ANO1: variants seen among roughly 807,000 people sequenced by gnomAD.
ANO1 encodes the protein anoctamin 1.
In ANO1, 59 loss-of-function variants were observed where a neutral mutation model predicts 124.0. That is an observed-to-expected ratio of 0.48 (90% confidence interval 0.39 to 0.59). The LOEUF is 0.59. Among genes scored for constraint, ANO1 ranks in the 20% least tolerant of loss-of-function variants. ANO1 has a pLI of 0.00. For synonymous variants in ANO1, 529 were observed against 532.0 expected (o/e 0.99, Z 0.08); for missense variants, 1,059 against 1,328.0 (o/e 0.80, Z 3.15).
rs748243154 is a variant in ANO1, at chr11:70,167,377, C to T, written c.2187C>T (p.Tyr729=). The T allele has an allele frequency of 6.2e-7, 1 of 1,611,634 alleles. No homozygotes were observed. Among genetic ancestry groups the T allele is most frequent in the Non-Finnish European group, 8.5e-7 (1 of 1,178,742 alleles). ...LEPFAGLTPE[Y]MEMIIQFGFV... is the part of the protein sequence containing the mutation. ...CCTTCGCGGGCCTCACCCCAGAGTA[C>T]ATGGAAATGAGTGAGTGATGGCCGG... The change falls in exon 21 of 26, where the codon TAC becomes TAT. Residue 729 remains tyrosine, a synonymous_variant. Transcript: ENST00000355303.
chr11:70,111,004 C>T (rs987007408), intron 6 of ANO1: 5 of 397,102 alleles, frequency 1.3e-5, no homozygotes, highest in Non-Finnish European at 2.0e-5. Context: ...ATTCCACTGC[C>T]TCCAGGAGCA....
the ANO1 span, among the ~76,000 whole-genome samples, chr11:69,970,179 T>TG: frequency 3.3e-5 from 5 of 152,116 alleles, no homozygotes; most frequent in Non-Finnish European, 7.4e-5. Context: ...GAGGGAAGGC[T>TG]GGGGGAAGTT....
At chr11:69,996,881 G>A (rs1456274737) in intron 1 of ANO1, among the ~76,000 whole-genome samples, 1 of 152,214 alleles carries the variant, frequency 6.6e-6, no homozygotes, top group African/African-American at 2.4e-5. Flanking sequence ...AATGCCAGAT[G>A]AAGTTCTAAG....
chr11:70,059,150 C>A (rs1373060937), intron 1 of ANO1, among the ~76,000 whole-genome samples: 1 of 151,802 alleles, frequency 6.6e-6, no homozygotes, highest in Non-Finnish European at 1.5e-5. Context: ...CGAGATTGTG[C>A]CACTGCACTC....
intron 1 of ANO1, among the ~76,000 whole-genome samples, chr11:70,044,179 G>C (rs1857224085): frequency 6.6e-6 from 1 of 151,722 alleles, no homozygotes; most frequent in South Asian, 2.1e-4. Context: ...CTAAATAAAA[G>C]TAAAATAAAG....
chr11:70,184,212 A>G (rs2049026389), intron 24 of ANO1, among the ~76,000 whole-genome samples: 1 of 152,198 alleles, frequency 6.6e-6, no homozygotes, highest in Non-Finnish European at 1.5e-5. Context: ...CATTCAAGCT[A>G]TGTTCCAGCT....
chr11:69,984,343 C>A (rs1349008167), upstream of ANO1, among the ~76,000 whole-genome samples: 1 of 119,164 alleles, frequency 8.4e-6, no homozygotes, highest in African/African-American at 3.0e-5. Flanking sequence ...AGAATAAAAT[C>A]CCACTTGAGT....
At chr11:70,045,504 T>C (rs1857245928) in intron 1 of ANO1, among the ~76,000 whole-genome samples, 2 of 152,194 alleles carry the variant, frequency 1.3e-5, no homozygotes, top group African/African-American at 4.8e-5. Context: ...AATTCTATGA[T>C]TGGTGACATT....
rs1208463378 is a variant in ANO1, at chr11:70,005,116, A to AAAAC, written c.58+18953_58+18954insCAAA. 3.3e-5 allele frequency among the ~76,000 whole-genome samples: 5 copies of AAAAC among 151,838 alleles called. No individual in the cohort carries two copies. The East Asian group carries it at 9.7e-4, about 29-fold the overall frequency. ...TGACAGAGCGAGATTCCAACTCAAA[A>AAAAC]AAAAAAAAAAAATTGGTGACAGAAA... On this transcript the variant is annotated intron_variant, in intron 1 of 27. Transcript: ENST00000531349.
At chr11:70,122,867 A>G (rs2046349596) in intron 8 of ANO1, among the ~76,000 whole-genome samples, 1 of 152,156 alleles carries the variant, frequency 6.6e-6, no homozygotes, top group Admixed American at 6.6e-5. Flanking sequence ...GAGAGGAGGA[A>G]GCTGCCCAGG....
chr11:70,022,852 G>A (rs1856831987), intron 1 of ANO1, among the ~76,000 whole-genome samples: 1 of 152,190 alleles, frequency 6.6e-6, no homozygotes, highest in African/African-American at 2.4e-5. Flanking sequence ...CAGGGAGATA[G>A]CCCCAGACTA....
chr11:70,014,131 A>G lies in ANO1; in HGVS notation c.58+27965A>G, dbSNP rs553484893. ...CCTTAAAGGCCCTTTCTCCAAATACAGTTCCATTGCGGGTGAGAGTTTTAA... is the reference window on the plus strand; with the variant it reads ...CCTTAAAGGCCCTTTCTCCAAATACGGTTCCATTGCGGGTGAGAGTTTTAA... On this transcript the variant is annotated intron_variant, in intron 1 of 27. Coordinates refer to the ANO1 transcript ENST00000531349. 2.6e-5 allele frequency among the ~76,000 whole-genome samples: 4 copies of G among 152,152 alleles called. No homozygotes were observed. In the South Asian group the frequency reaches 8.3e-4, roughly 32 times the overall value.
intron 22 of ANO1, among the ~76,000 whole-genome samples, chr11:70,177,204 C>T (rs2048737051): frequency 6.6e-6 from 1 of 152,258 alleles, no homozygotes; most frequent in Non-Finnish European, 1.5e-5. Context: ...CCTCGGGAGC[C>T]CCAAAGACTT....
At chr11:70,062,975 G>C (rs576818770) in intron 1 of ANO1, among the ~76,000 whole-genome samples, 148 of 152,244 alleles carry the variant, frequency 9.7e-4, no homozygotes, top group Non-Finnish European at 1.9e-3. Context: ...TGTCACCCAG[G>C]CTGGAGTACA....
chr11:70,074,455 A>G (rs1369650783), upstream of ANO1, among the ~76,000 whole-genome samples: 2 of 152,150 alleles, frequency 1.3e-5, no homozygotes, highest in African/African-American at 4.8e-5. Flanking sequence ...TTGTGTGTTG[A>G]ATTCATGGAG....
chr11:70,002,202 G>A lies in ANO1; in HGVS notation c.58+16036G>A, dbSNP rs374355654. On this transcript the variant is annotated intron_variant, in intron 1 of 27. Transcript: ENST00000531349. Reference sequence around the variant, plus strand: ...GCAGTGGCTCACACCTATAATCCCAGCACTTTGGGAGACCAAGGCAGGTGG... The same window carrying A: ...GCAGTGGCTCACACCTATAATCCCAACACTTTGGGAGACCAAGGCAGGTGG... Among the ~76,000 whole-genome samples, 4 of 152,160 alleles carry A rather than the reference G, an allele frequency of 2.6e-5. No individual in the cohort carries two copies. The East Asian group carries it at 7.7e-4, about 29-fold the overall frequency.
chr11:70,093,658 G>A (rs1386348325), intron 2 of ANO1, among the ~76,000 whole-genome samples: 1 of 152,228 alleles, frequency 6.6e-6, no homozygotes, highest in Non-Finnish European at 1.5e-5. Context: ...GCTGCCCAGG[G>A]CTCAAGTCTG....
chr11:70,175,045 T>C (rs1485782314), intron 22 of ANO1, among the ~76,000 whole-genome samples: 1 of 148,624 alleles, frequency 6.7e-6, no homozygotes, highest in Non-Finnish European at 1.5e-5. Flanking sequence ...AGTGCGCGTG[T>C]GTTTGCTCTG....
In ANO1 at chr11:70,087,772, G is replaced by A; in HGVS notation, c.129G>A (p.Val43=). The A allele has an allele frequency of 6.2e-7, 1 of 1,606,336 alleles. No homozygotes were observed. The highest frequency in any genetic ancestry group is 8.5e-7 in the Non-Finnish European group (1 of 1,175,864). The change falls in exon 2 of 26, where the codon GTG becomes GTA. Residue 43 remains valine (V), a synonymous_variant. Transcript: ENST00000355303. ...CTTAGCTGCTGAACTCCTTATCTGTGGACCCTGATGCCGAGTGCAAGTATG... is the reference window on the plus strand; with the variant it reads ...CTTAGCTGCTGAACTCCTTATCTGTAGACCCTGATGCCGAGTGCAAGTATG... ...SEGTLLNSLS[V]DPDAECKYGL...
Sources: gnomAD v4.1 joint callset for allele counts (sites outside exome capture counted in the v4.1 genomes callset) on GRCh38, gnomAD v4.1.1 for gene constraint, MANE v1.5 for transcripts, NCBI Gene and HGNC (gene_info 2026-07-23, HGNC 2026-07-21) for gene names.